P3H2: variants seen among roughly 807,000 people sequenced by gnomAD.
P3H2 encodes leprecan-like 1.
A neutral mutation model predicts 87.0 loss-of-function variants in P3H2; 80 were observed. The ratio of observed to expected loss-of-function variants is 0.92; its 90% CI spans 0.77 to 1.11. The LOEUF is 1.11. Among genes scored for constraint, P3H2 ranks in the 50% least tolerant of loss-of-function variants. The pLI is 0.00. For synonymous variants in P3H2, 367 were observed against 359.3 expected (o/e 1.02, Z -0.24); for missense variants, 1,001 against 923.9 (o/e 1.08, Z -1.08).
In P3H2 at chr3:190,120,820, G is replaced by C; in HGVS notation, c.-89C>G. 1 of 1,463,960 alleles carries C rather than the reference G, an allele frequency of 6.8e-7. No individual in the cohort carries two copies. The allele number at this position is 1,463,960 out of a possible 1,614,324, so 90.7% of individuals were successfully genotyped here. A position where few individuals can be genotyped will look rare whatever the true frequency, so the allele number is the denominator to read the frequency against. On this transcript the variant is annotated 5_prime_UTR_variant, in exon 1 of 15. Coordinates refer to ENST00000319332, the MANE Select transcript of P3H2 (RefSeq NM_018192.4). The stretch of plus-strand genomic sequence containing the variant: ...GGTCCCCTCTCCCACCTTCCCTCGG[G>C]GAAGCGCGCCGACTCCGCCGCGATC...
At chr3:190,090,857 AC>A (rs200895094) in intron 1 of P3H2, among the ~76,000 whole-genome samples, 4,070 of 152,146 alleles carry the variant, frequency 0.027, 77 homozygotes, top group African/African-American at 0.043. Context: ...GGAATGTTTT[AC>A]TCCTTTGCAA....
At chr3:190,117,593 C>G (rs938491525) in intron 1 of P3H2, among the ~76,000 whole-genome samples, 1 of 151,906 alleles carries the variant, frequency 6.6e-6, no homozygotes, top group African/African-American at 2.4e-5. Flanking sequence ...GAATCAATGC[C>G]CTAGAATCCA....
intron 1 of P3H2, among the ~76,000 whole-genome samples, chr3:190,085,413 C>G (rs539087350): frequency 6.6e-6 from 1 of 152,312 alleles, no homozygotes; most frequent in Admixed American, 6.5e-5. Flanking sequence ...AATATATAAA[C>G]TTCTGAATGG....
chr3:190,039,239 T>C (rs1725524617), intron 1 of P3H2, among the ~76,000 whole-genome samples: 1 of 151,854 alleles, frequency 6.6e-6, no homozygotes, highest in Non-Finnish European at 1.5e-5. Flanking sequence ...GACAATTTTA[T>C]GGAGCATATG....
At chr3:190,100,843 A>G (rs1005843152) in intron 1 of P3H2, among the ~76,000 whole-genome samples, 2 of 152,106 alleles carry the variant, frequency 1.3e-5, no homozygotes, top group Non-Finnish European at 2.9e-5. Flanking sequence ...TGCACTTTCC[A>G]GATATTGTTT....
At chr3:190,095,994 T>A (rs1271978303) in intron 1 of P3H2, among the ~76,000 whole-genome samples, 1 of 152,146 alleles carries the variant, frequency 6.6e-6, no homozygotes, top group African/African-American at 2.4e-5. Context: ...AACCCATGTG[T>A]AATGTAAACC....
chr3:190,027,316 T>G (rs1172207502), intron 1 of P3H2, among the ~76,000 whole-genome samples: 1 of 152,218 alleles, frequency 6.6e-6, no homozygotes. Flanking sequence ...ACACATCTTG[T>G]GGCATTTTAT....
At chr3:190,077,937 T>C (rs1726923366) in intron 1 of P3H2, among the ~76,000 whole-genome samples, 1 of 152,176 alleles carries the variant, frequency 6.6e-6, no homozygotes, top group Non-Finnish European at 1.5e-5. Flanking sequence ...ATGAGGCATA[T>C]AAGACCAGGG....
At chr3:190,069,449 T>C (rs1403419758) in intron 1 of P3H2, among the ~76,000 whole-genome samples, 2 of 152,130 alleles carry the variant, frequency 1.3e-5, no homozygotes, top group Non-Finnish European at 2.9e-5. Flanking sequence ...GATGGGATGT[T>C]TCAAACTTCT....
intron 1 of P3H2, among the ~76,000 whole-genome samples, chr3:190,000,281 A>G (rs927544015): frequency 1.3e-5 from 2 of 152,172 alleles, no homozygotes; most frequent in Non-Finnish European, 2.9e-5. Flanking sequence ...GAACACACAC[A>G]TAGGTCCAAT....
At chr3:189,977,953 C>T (rs759091533) in intron 8 of P3H2, among the ~76,000 whole-genome samples, 3 of 152,150 alleles carry the variant, frequency 2.0e-5, no homozygotes, top group Non-Finnish European at 4.4e-5. Context: ...TAGCATAGAA[C>T]GCAATTTGGA....
At chr3:189,997,870 T>A (rs893836849) in intron 1 of P3H2, among the ~76,000 whole-genome samples, 1 of 152,186 alleles carries the variant, frequency 6.6e-6, no homozygotes, top group African/African-American at 2.4e-5. Context: ...AATAACTATA[T>A]AGGTATAAAG....
In P3H2 at chr3:189,956,974, A is replaced by C. The variant is rs955047354; in HGVS notation, c.*938T>G. ...TTCTTCCAAAGTCACCAGGGTGAAAAGCCATTCTACTACAACCTCTACATG... is the reference window on the plus strand; with the variant it reads ...TTCTTCCAAAGTCACCAGGGTGAAACGCCATTCTACTACAACCTCTACATG... On this transcript the variant is annotated 3_prime_UTR_variant, in exon 15 of 15. Coordinates refer to ENST00000319332, the MANE Select transcript of P3H2 (RefSeq NM_018192.4). The C allele has an allele frequency of 2.5e-6, 1 of 396,938 alleles. No individual in the cohort carries two copies. The highest frequency in any genetic ancestry group is 2.1e-5 in the African/African-American group (1 of 48,574). The allele number at this position is 396,938 out of a possible 1,614,324, so 24.6% of individuals were successfully genotyped here. A position where few individuals can be genotyped will look rare whatever the true frequency, so the allele number is the denominator to read the frequency against.
At chr3:190,040,798 TATTTA>T (rs770058147) in intron 1 of P3H2, among the ~76,000 whole-genome samples, 6 of 151,782 alleles carry the variant, frequency 4.0e-5, no homozygotes, top group Admixed American at 2.0e-4. Flanking sequence ...ATTCAACAAA[TATTTA>T]ATTTATGATT....
intron 1 of P3H2, among the ~76,000 whole-genome samples, chr3:190,035,565 T>A (rs1725393122): frequency 6.6e-6 from 1 of 152,212 alleles, no homozygotes; most frequent in Admixed American, 6.5e-5. Context: ...CCTTTTAATC[T>A]ACCAGCTATG....
chr3:190,012,320 TA>T (rs2108935347), intron 1 of P3H2, among the ~76,000 whole-genome samples: 1 of 151,930 alleles, frequency 6.6e-6, no homozygotes, highest in Non-Finnish European at 1.5e-5. Flanking sequence ...CTGCTGTCCT[TA>T]ATCTATTTAC....
At chr3:189,963,314 G>C (rs906679523) in intron 14 of P3H2, 2 of 152,900 alleles carry the variant, frequency 1.3e-5, no homozygotes, top group African/African-American at 4.8e-5. Context: ...AATCTTTTAG[G>C]TTTCCTTGCC....
chr3:190,097,528 A>G (rs1727624377), intron 1 of P3H2, among the ~76,000 whole-genome samples: 1 of 152,066 alleles, frequency 6.6e-6, no homozygotes, highest in South Asian at 2.1e-4. Context: ...TCTGGGGCCA[A>G]TTCAGACCTC....
Position 190,035,185 on chromosome 3 carries a change from T to C in P3H2, c.481-39743A>G, listed in dbSNP as rs928762917. On this transcript the variant is annotated intron_variant, in intron 1 of 14. Coordinates refer to ENST00000319332, the MANE Select transcript of P3H2 (RefSeq NM_018192.4). ...TTTTTTTCTTTTCTTTTTTTTGGTTTTTTTGTTTGTAATTGCTTCCTTGGC... is the reference window on the plus strand; with the variant it reads ...TTTTTTTCTTTTCTTTTTTTTGGTTCTTTTGTTTGTAATTGCTTCCTTGGC... Among the ~76,000 whole-genome samples, 13 of 152,248 alleles carry C rather than the reference T, an allele frequency of 8.5e-5. No homozygotes were observed. In the South Asian group the frequency reaches 2.7e-3, roughly 32 times the overall value.
Sources: gnomAD v4.1 joint callset for allele counts (sites outside exome capture counted in the v4.1 genomes callset) on GRCh38, gnomAD v4.1.1 for gene constraint, MANE v1.5 for transcripts, NCBI Gene and HGNC (gene_info 2026-07-23, HGNC 2026-07-21) for gene names.